DCHS2: variants seen among roughly 807,000 people sequenced by gnomAD.
DCHS2 encodes dachsous cadherin-related 2, also known as protocadherin-23.
DCHS2 carries 142 observed loss-of-function variants against 182.4 expected under a neutral mutation model. The ratio of observed to expected loss-of-function variants is 0.78; its 90% CI spans 0.68 to 0.89. The LOEUF is 0.89. Among genes scored for constraint, DCHS2 ranks in the 40% least tolerant of loss-of-function variants. The pLI, the probability that DCHS2 is intolerant of heterozygous loss-of-function variation, is 0.00. For synonymous variants in DCHS2, 1,740 were observed against 1,663.3 expected (o/e 1.05, Z -1.12); for missense variants, 4,319 against 4,198.6 (o/e 1.03, Z -0.79).
At chr4:154,439,034 C>G (rs1733890661) in intron 1 of DCHS2, among the ~76,000 whole-genome samples, 1 of 152,168 alleles carries the variant, frequency 6.6e-6, no homozygotes, top group South Asian at 2.1e-4. Flanking sequence ...ACTTTTCATA[C>G]AGAAGTGTTG....
chr4:154,358,973 C>A lies in DCHS2; in HGVS notation c.2476+7237G>T, dbSNP rs534878664. ...ATTTATTAATAATAAATAATAAAAT[C>A]ATAAATAAAATGAATAACTCTCTTT... On this transcript the variant is annotated intron_variant, in intron 3 of 19. Coordinates refer to ENST00000357232, the MANE Select transcript of DCHS2 (RefSeq NM_001358235.2). 5.3e-5 allele frequency among the ~76,000 whole-genome samples: 8 copies of A among 151,446 alleles called. No homozygotes were observed. In the East Asian group the frequency reaches 1.6e-3, roughly 29 times the overall value.
chr4:154,340,005 TTAA>T (rs1328911911), intron 3 of DCHS2, among the ~76,000 whole-genome samples: 2 of 152,304 alleles, frequency 1.3e-5, no homozygotes, highest in African/African-American at 4.8e-5. Context: ...TAAAAATTTT[TTAA>T]TAATTATATG....
intron 13 of DCHS2, among the ~76,000 whole-genome samples, chr4:154,270,508 G>A (rs1333561953): frequency 6.6e-6 from 1 of 151,902 alleles, no homozygotes; most frequent in South Asian, 2.1e-4. Context: ...ATGAGTAGGG[G>A]AAGAAGAAGA....
At chr4:154,473,521 G>A (rs34265055) in intron 1 of DCHS2, among the ~76,000 whole-genome samples, 27,016 of 67,672 alleles carry the variant, frequency 0.4, 3,047 homozygotes, top group Non-Finnish European at 0.57. Context: ...GTTTTTTGGT[G>A]CGCCTTGCCC....
chr4:154,364,878 G>T (rs941265827), intron 3 of DCHS2, among the ~76,000 whole-genome samples: 2 of 151,840 alleles, frequency 1.3e-5, no homozygotes, highest in Non-Finnish European at 2.9e-5. Flanking sequence ...CCACTGTTTG[G>T]ATCAGGTGGA....
At chr4:154,437,839 C>T (rs1733843515) in intron 1 of DCHS2, among the ~76,000 whole-genome samples, 1 of 152,056 alleles carries the variant, frequency 6.6e-6, no homozygotes, top group Non-Finnish European at 1.5e-5. Flanking sequence ...TTCTTAGAGG[C>T]TAAACAGTTA....
At chr4:154,374,853 C>T (rs1401747595) in intron 2 of DCHS2, among the ~76,000 whole-genome samples, 2 of 151,866 alleles carry the variant, frequency 1.3e-5, no homozygotes, top group Non-Finnish European at 2.9e-5. Context: ...AGTAAAGTCT[C>T]CAAAATGAAA....
chr4:154,269,169 TAA>T (rs1009631121), intron 14 of DCHS2: 27 of 152,290 alleles, frequency 1.8e-4, no homozygotes, highest in African/African-American at 6.3e-4. Context: ...CAAAAAGTCA[TAA>T]CACCACCCTG....
chr4:154,265,810 G>A (rs1346915687), intron 14 of DCHS2, among the ~76,000 whole-genome samples: 2 of 152,096 alleles, frequency 1.3e-5, no homozygotes, highest in Non-Finnish European at 2.9e-5. Context: ...GGCACACAGA[G>A]GCTTTCAAAA....
chr4:154,383,955 A>C (rs757754590), intron 1 of DCHS2, among the ~76,000 whole-genome samples: 1 of 152,230 alleles, frequency 6.6e-6, no homozygotes, highest in Admixed American at 6.5e-5. Context: ...TTTTCTTATT[A>C]CAATTTCCAG....
intron 1 of DCHS2, among the ~76,000 whole-genome samples, chr4:154,462,213 C>A (rs927943197): frequency 1.3e-5 from 2 of 152,088 alleles, no homozygotes; most frequent in African/African-American, 4.8e-5. Flanking sequence ...CAATTTTTGC[C>A]TTAGATTTTT....
Position 154,240,548 on chromosome 4 carries a change from C to T in DCHS2, c.7348G>A (p.Asp2450Asn). ...VNDNPPVFSQDFYQVTVPESI... is the reference protein window; with the variant it reads ...VNDNPPVFSQNFYQVTVPESI... ...TTTAAGCCCTTTACCTGATAGAAATCTTGAGAAAACACTGGTGGATTATCA... is the reference window on the plus strand; with the variant it reads ...TTTAAGCCCTTTACCTGATAGAAATTTTGAGAAAACACTGGTGGATTATCA... The change falls in exon 18 of 20, where the codon GAT becomes AAT. Residue 2450 changes from aspartate (D) to asparagine (N), a missense_variant. Coordinates refer to ENST00000357232, the MANE Select transcript of DCHS2 (RefSeq NM_001358235.2). 1 of 1,613,340 alleles carries T rather than the reference C, an allele frequency of 6.2e-7. No homozygotes were observed. The highest frequency in any genetic ancestry group is 1.1e-5 in the South Asian group (1 of 91,060).
chr4:154,486,996 G>A (rs557424936), intron 1 of DCHS2, among the ~76,000 whole-genome samples: 1 of 152,296 alleles, frequency 6.6e-6, no homozygotes, highest in African/African-American at 2.4e-5. Flanking sequence ...CACATATGGA[G>A]TTGTAACAAT....
chr4:154,262,087 T>C (rs1733013064), intron 14 of DCHS2: 1 of 152,128 alleles, frequency 6.6e-6, no homozygotes, highest in Admixed American at 6.6e-5. Context: ...AAAAATAGAA[T>C]AGAAATGCAA....
At chr4:154,463,235 T>C (rs1027536047) in intron 1 of DCHS2, among the ~76,000 whole-genome samples, 1 of 151,708 alleles carries the variant, frequency 6.6e-6, no homozygotes, top group African/African-American at 2.4e-5. Flanking sequence ...AATGGCAGCA[T>C]ACTATACAAC....
At chr4:154,353,755 G>A (rs1729728462) in intron 3 of DCHS2, among the ~76,000 whole-genome samples, 1 of 152,200 alleles carries the variant, frequency 6.6e-6, no homozygotes, top group Non-Finnish European at 1.5e-5. Context: ...CTCAAAGGGT[G>A]TCCCCTGACT....
At chr4:154,446,900 G>A (rs557980339) in intron 1 of DCHS2, among the ~76,000 whole-genome samples, 40 of 152,162 alleles carry the variant, frequency 2.6e-4, no homozygotes, top group African/African-American at 7.9e-4. Context: ...CTGAGGTAGT[G>A]GACACACTTC....
chr4:154,392,681 G>T (rs542061363), intron 1 of DCHS2, among the ~76,000 whole-genome samples: 1 of 152,200 alleles, frequency 6.6e-6, no homozygotes, highest in East Asian at 1.9e-4. Context: ...CTATGGAAGT[G>T]TGGGATGCAC....
At chr4:154,323,420 C>T (rs779138326) in intron 7 of DCHS2, 2 of 1,507,142 alleles carry the variant, frequency 1.3e-6, no homozygotes, top group Non-Finnish European at 1.8e-6. Flanking sequence ...GCCTGGAGTT[C>T]AGGGTCGCAA....
Sources: gnomAD v4.1 joint callset for allele counts (sites outside exome capture counted in the v4.1 genomes callset) on GRCh38, gnomAD v4.1.1 for gene constraint, MANE v1.5 for transcripts, NCBI Gene and HGNC (gene_info 2026-07-23, HGNC 2026-07-21) for gene names.